ULK4: variants seen among roughly 807,000 people sequenced by gnomAD.
ULK4 encodes inactive serine/threonine-protein kinase ULK4.
ULK4 carries 133 observed loss-of-function variants against 160.6 expected under a neutral mutation model. The observed-to-expected ratio is 0.83, with a 90% CI of 0.72 to 0.96. ULK4 has a LOEUF of 0.96. Ranked by LOEUF, ULK4 falls within the 40% of genes least tolerant of loss-of-function variation. The pLI, the probability that ULK4 is intolerant of heterozygous loss-of-function variation, is 0.00. For missense variants in ULK4, 1,580 were observed against 1,499.5 expected (o/e 1.05, Z -0.89); for synonymous variants, 534 against 539.8 (o/e 0.99, Z 0.15).
intron 32 of ULK4, among the ~76,000 whole-genome samples, chr3:41,548,373 G>A (rs1417858796): frequency 6.6e-6 from 1 of 151,922 alleles, no homozygotes; most frequent in African/African-American, 2.4e-5. Flanking sequence ...GGGGCCTGGT[G>A]ACTGGCCCAC....
At chr3:41,268,246 G>A (rs1305684809) in intron 35 of ULK4, among the ~76,000 whole-genome samples, 4 of 152,186 alleles carry the variant, frequency 2.6e-5, no homozygotes, top group East Asian at 3.8e-4. Flanking sequence ...GCTGAGTCAC[G>A]CTGTGTTGCC....
At chr3:41,720,828 C>T (rs1424390543) in intron 22 of ULK4, among the ~76,000 whole-genome samples, 1 of 151,832 alleles carries the variant, frequency 6.6e-6, no homozygotes, top group Non-Finnish European at 1.5e-5. Flanking sequence ...AGTGAGCTGG[C>T]AATAATTTGA....
intron 34 of ULK4, among the ~76,000 whole-genome samples, chr3:41,418,028 C>G (rs2082568812): frequency 6.6e-6 from 1 of 152,148 alleles, no homozygotes; most frequent in Non-Finnish European, 1.5e-5. Flanking sequence ...TCTGTTCTAA[C>G]AAGCCTTGTT....
Position 41,505,252 on chromosome 3 carries a change from T to C in ULK4, c.3227-41999A>G, listed in dbSNP as rs192094724. On this transcript the variant is annotated intron_variant, in intron 32 of 36. Transcript: ENST00000301831. ...ACCCTGTAGCTCAAAAGCAAGAACA[T>C]TGCGAACACCCAGAATCCTCATGCT... Among the ~76,000 whole-genome samples the C allele has an allele frequency of 1.6e-3, 249 of 152,258 alleles. 1 individual carries two copies. The highest frequency in any genetic ancestry group is 0.014 in the Admixed American group (212 of 15,286).
intron 29 of ULK4, among the ~76,000 whole-genome samples, chr3:41,679,315 A>G (rs2035843454): frequency 6.6e-6 from 1 of 152,190 alleles, no homozygotes; most frequent in Non-Finnish European, 1.5e-5. Context: ...AATCTTTAGG[A>G]TTATCTTCTA....
chr3:41,907,067 T>C (rs1027395457), intron 12 of ULK4, among the ~76,000 whole-genome samples: 1 of 152,164 alleles, frequency 6.6e-6, no homozygotes, highest in South Asian at 2.1e-4. Flanking sequence ...TATTGTATGA[T>C]TCCATTTATA....
chr3:41,482,853 GA>G (rs1365394453), intron 32 of ULK4, among the ~76,000 whole-genome samples: 4 of 152,024 alleles, frequency 2.6e-5, no homozygotes, highest in Non-Finnish European at 5.9e-5. Flanking sequence ...GTGTTGTTCA[GA>G]TTTTTTTAAT....
intron 17 of ULK4, among the ~76,000 whole-genome samples, chr3:41,864,214 T>C (rs1437369225): frequency 6.6e-6 from 1 of 152,128 alleles, no homozygotes; most frequent in Admixed American, 6.5e-5. Flanking sequence ...GTTTCCTTTC[T>C]GCTCTAACAG....
intron 32 of ULK4, among the ~76,000 whole-genome samples, chr3:41,480,251 G>A (rs1043394653): frequency 6.7e-6 from 1 of 149,404 alleles, no homozygotes. Flanking sequence ...ACAATGAGAA[G>A]TTCATGGACA....
chr3:41,429,939 A>G (rs578261336), intron 34 of ULK4, among the ~76,000 whole-genome samples: 2 of 152,340 alleles, frequency 1.3e-5, no homozygotes, highest in Non-Finnish European at 2.9e-5. Flanking sequence ...AGTTTATTAC[A>G]GAATTATATG....
chr3:41,709,054 CA>C (rs1381048955), intron 25 of ULK4, among the ~76,000 whole-genome samples: 3 of 152,042 alleles, frequency 2.0e-5, no homozygotes, highest in Non-Finnish European at 4.4e-5. Flanking sequence ...TTCTACAATA[CA>C]AATGCATCTA....
At chr3:41,611,186 C>T (rs561888757) in intron 31 of ULK4, among the ~76,000 whole-genome samples, 3 of 152,310 alleles carry the variant, frequency 2.0e-5, no homozygotes, top group African/African-American at 4.8e-5. Context: ...GAAGACTGTA[C>T]GTACTATAAT....
At chr3:41,297,806 G>A (rs1283973458) in intron 35 of ULK4, among the ~76,000 whole-genome samples, 1 of 152,240 alleles carries the variant, frequency 6.6e-6, no homozygotes, top group Non-Finnish European at 1.5e-5. Flanking sequence ...AGAGGCTGAG[G>A]ATGGTAACAC....
At chr3:41,484,801 C>T (rs1013060357) in intron 32 of ULK4, among the ~76,000 whole-genome samples, 3 of 152,110 alleles carry the variant, frequency 2.0e-5, no homozygotes, top group Non-Finnish European at 4.4e-5. Flanking sequence ...AGATGGAGAA[C>T]GACCACCACG....
chr3:41,780,389 A>G (rs1282915138), intron 21 of ULK4, among the ~76,000 whole-genome samples: 1 of 149,902 alleles, frequency 6.7e-6, no homozygotes, highest in Non-Finnish European at 1.5e-5. Flanking sequence ...TTAAAAATAT[A>G]AAAGATGTTA....
chr3:41,721,801 G>A (rs891011117), intron 22 of ULK4, among the ~76,000 whole-genome samples: 12 of 152,232 alleles, frequency 7.9e-5, no homozygotes, highest in African/African-American at 2.4e-4. Context: ...CAGACAGCCC[G>A]ATTTGTAAGA....
chr3:41,495,491 G>C (rs1264449278), intron 32 of ULK4, among the ~76,000 whole-genome samples: 1 of 147,630 alleles, frequency 6.8e-6, no homozygotes, highest in Admixed American at 6.8e-5. Context: ...GAAAACCTAG[G>C]CAATACCATT....
At position 41,765,067 on chromosome 3, in the gene ULK4, A is replaced by G. The variant is rs180849707; in HGVS notation, c.2194-10579T>C. Among the ~76,000 whole-genome samples the G allele has an allele frequency of 3.9e-3, 598 of 152,324 alleles. 2 individuals carry two copies. The highest frequency in any genetic ancestry group is 0.014 in the African/African-American group (581 of 41,568). ...CCATCTCATTACTGGGTATATACCC[A>G]AAGGATTATAAATCATGCTGCTATA... is the stretch of plus-strand genomic sequence containing the variant. On this transcript the variant is annotated intron_variant, in intron 21 of 36. Transcript: ENST00000301831.
chr3:41,431,261 T>C (rs939720383), intron 34 of ULK4, among the ~76,000 whole-genome samples: 7 of 151,576 alleles, frequency 4.6e-5, no homozygotes, highest in Non-Finnish European at 7.4e-5. Context: ...GGCAGGAGAA[T>C]TGCTTGAACC....
Sources: allele counts gnomAD v4.1 joint callset (sites outside exome capture counted in the v4.1 genomes callset), GRCh38; gene constraint gnomAD v4.1.1; transcripts MANE v1.5; gene names NCBI Gene and HGNC (gene_info 2026-07-23, HGNC 2026-07-21).